SEC61G: variants seen among roughly 807,000 people sequenced by gnomAD.
The protein encoded by SEC61G is SEC61 translocon subunit gamma.
Under a neutral mutation model 7.5 loss-of-function variants are expected in SEC61G, and 4 were observed. The observed-to-expected ratio is 0.54, with a 90% CI of 0.26 to 1.22. SEC61G has a LOEUF of 1.22. SEC61G is among the 50% of genes most tolerant of loss of function. The probability of loss-of-function intolerance (pLI) is 0.12; values close to 1 mark genes in which losing one functional copy is unlikely to be tolerated. For synonymous variants in SEC61G, 24 were observed against 24.4 expected, an observed-to-expected ratio of 0.98 and a Z score of 0.05; for missense variants, 53 against 84.6, an observed-to-expected ratio of 0.63 and a Z score of 1.46.
chr7:54,755,932 T>C, intron 2 of SEC61G, 51 bp from the exon 3 acceptor site: 1 of 1,083,808 alleles, frequency 9.2e-7, no homozygotes, highest in East Asian at 2.5e-5. Context: ...TCACTGAAAG[T>C]ATGGGAAAAA....
chr7:54,752,512 G>T (rs1791435115), intron 3 of SEC61G, 92 bp from the exon 4 acceptor site: 2 of 703,218 alleles, frequency 2.8e-6, no homozygotes, highest in Non-Finnish European at 4.5e-6. Context: ...AACTTTAACG[G>T]CTCAAGACCA....
In SEC61G at chr7:54,757,482, G is replaced by C. The variant is rs1449784720; in HGVS notation, c.94+13C>G. ...CAAAGATTTAATTTTTTCTCTCATA[G>C]TCAAGCAATTACCTTTTCTATCAGG... On this transcript the variant is annotated intron_variant, in intron 2 of 3. Transcript: ENST00000352861. 6.2e-7 allele frequency: 1 copy of C among 1,604,944 alleles called. No individual in the cohort carries two copies. The highest frequency in any genetic ancestry group is 1.7e-4 in the Middle Eastern group (1 of 6,026).
intron 3 of SEC61G, among the ~76,000 whole-genome samples, chr7:54,753,943 C>T (rs1791459874): frequency 6.6e-6 from 1 of 152,170 alleles, no homozygotes. Context: ...AGACAAGAAC[C>T]TGAAGTTGTT....
Position 54,752,317 on chromosome 7 carries a change from A to C in SEC61G, c.*94T>G. ...CTTGAAAGGAAAAAAAAAAACCCAC[A>C]AAACATACAGGCAAATTTGTATTCT... On this transcript the variant is annotated 3_prime_UTR_variant, in exon 4 of 4. Coordinates refer to ENST00000352861, the MANE Select transcript of SEC61G (RefSeq NM_014302.4). 1.2e-6 allele frequency: 1 copy of C among 832,860 alleles called. No individual in the cohort carries two copies. 51.6% of individuals were successfully genotyped at this position (832,860 alleles called of 1,614,324 possible).
At chr7:54,753,537 T>C (rs575917169) in intron 3 of SEC61G, among the ~76,000 whole-genome samples, 1 of 152,260 alleles carries the variant, frequency 6.6e-6, no homozygotes, top group Admixed American at 6.5e-5. Flanking sequence ...CATCTCAAAA[T>C]GATTTAAACA....
intron 3 of SEC61G, among the ~76,000 whole-genome samples, chr7:54,754,020 A>T (rs1034624010): frequency 1.3e-5 from 2 of 152,202 alleles, no homozygotes; most frequent in Non-Finnish European, 2.9e-5. Context: ...ACCAGACTCT[A>T]TAGGAGAGAC....
Position 54,759,208 on chromosome 7 carries a change from T to G in SEC61G, c.-57A>C. On this transcript the variant is annotated 5_prime_UTR_variant, in exon 1 of 4. Coordinates refer to ENST00000352861, the MANE Select transcript of SEC61G (RefSeq NM_014302.4). ...AGGGACACGTAGCACTGGAGCTTGC[T>G]GATGGAGGCCCACCGGAACCGGAAT... 1 of 519,076 alleles carries G rather than the reference T, an allele frequency of 1.9e-6. No individual in the cohort carries two copies. The highest frequency in any genetic ancestry group is 1.4e-5 in the South Asian group (1 of 71,590). 32.2% of individuals were successfully genotyped at this position (519,076 alleles called of 1,614,324 possible).
At chr7:54,758,494 T>A (rs73122025) in intron 1 of SEC61G, among the ~76,000 whole-genome samples, 8,330 of 150,716 alleles carry the variant, frequency 0.055, 315 homozygotes, top group Non-Finnish European at 0.071. Flanking sequence ...CGAAATGAAA[T>A]AATGTCAATG....
intron 2 of SEC61G, among the ~76,000 whole-genome samples, chr7:54,756,981 CTATATACTATAT>C (rs1288138475): frequency 1.4e-5 from 2 of 144,934 alleles, no homozygotes; most frequent in African/African-American, 5.0e-5. Flanking sequence ...ATACTATATA[CTATATACTATAT>C]TATATACTAT....
chr7:54,753,983 C>A (rs1332810188), intron 3 of SEC61G, among the ~76,000 whole-genome samples: 1 of 152,166 alleles, frequency 6.6e-6, no homozygotes, highest in African/African-American at 2.4e-5. Context: ...TTATTCAGTG[C>A]TTTTAACGGA....
intron 1 of SEC61G, among the ~76,000 whole-genome samples, chr7:54,758,467 G>C (rs1409169480): frequency 6.6e-6 from 1 of 152,164 alleles, no homozygotes; most frequent in East Asian, 1.9e-4. Flanking sequence ...GCCTTCCTTA[G>C]TGTAGGGTGT....
chr7:54,753,007 AGGCCAG>A (rs1325962195), intron 3 of SEC61G, among the ~76,000 whole-genome samples: 1 of 152,226 alleles, frequency 6.6e-6, no homozygotes. Flanking sequence ...TATATAAAAT[AGGCCAG>A]GCATGGTGGC....
At chr7:54,756,183 CA>C (rs1381933944) in intron 2 of SEC61G, among the ~76,000 whole-genome samples, 7 of 151,562 alleles carry the variant, frequency 4.6e-5, no homozygotes, top group Non-Finnish European at 1.5e-5. Context: ...ATACCAAAAA[CA>C]AAAAAAGGTC....
chr7:54,757,688 A>G, intron 1 of SEC61G, 94 bp from the exon 2 acceptor site: 1 of 932,110 alleles, frequency 1.1e-6, no homozygotes, highest in Non-Finnish European at 1.7e-6. Flanking sequence ...CCAGCCACTG[A>G]ATTCACGTCT....
At chr7:54,756,341 G>A (rs922918225) in intron 2 of SEC61G, among the ~76,000 whole-genome samples, 3 of 152,152 alleles carry the variant, frequency 2.0e-5, no homozygotes, top group African/African-American at 7.2e-5. Flanking sequence ...CTATTATGAT[G>A]AAGCCAAAAA....
At chr7:54,756,118 T>G (rs1376858926) in intron 2 of SEC61G, among the ~76,000 whole-genome samples, 3 of 152,216 alleles carry the variant, frequency 2.0e-5, no homozygotes, top group Admixed American at 2.0e-4. Context: ...TCTGTCCTAG[T>G]GAGTTCATCA....
In SEC61G at chr7:54,752,427, A is replaced by T. The variant is rs750359015; in HGVS notation, c.198-7T>A. 1 of 1,496,404 alleles carries T rather than the reference A, an allele frequency of 6.7e-7. No individual in the cohort carries two copies. The highest frequency in any genetic ancestry group is 1.4e-5 in the African/African-American group (1 of 71,198). The allele number at this position is 1,496,404 out of a possible 1,614,324, so 92.7% of individuals were successfully genotyped here. A position where few individuals can be genotyped will look rare whatever the true frequency, so the allele number is the denominator to read the frequency against. The stretch of plus-strand genomic sequence containing the variant: ...AAAATGTATTCAGCCACCACTGTAA[A>T]AGAAAGAAAAATTATTACTTCTGAG... On this transcript the variant is annotated splice_region_variant and splice_polypyrimidine_tract_variant and intron_variant, in intron 3 of 3. Transcript: ENST00000352861.
At chr7:54,753,915 C>A (rs916240493) in intron 3 of SEC61G, among the ~76,000 whole-genome samples, 1 of 139,618 alleles carries the variant, frequency 7.2e-6, no homozygotes, top group African/African-American at 2.7e-5. Flanking sequence ...ATTATTATTG[C>A]CACCATCACC....
At chr7:54,753,392 A>G (rs1417491635) in intron 3 of SEC61G, among the ~76,000 whole-genome samples, 1 of 152,206 alleles carries the variant, frequency 6.6e-6, no homozygotes, top group Non-Finnish European at 1.5e-5. Flanking sequence ...GCTATAACTA[A>G]AAGGCCAGCA....
Sources: gnomAD v4.1 joint callset for allele counts (sites outside exome capture counted in the v4.1 genomes callset) on GRCh38, gnomAD v4.1.1 for gene constraint, MANE v1.5 for transcripts, NCBI Gene and HGNC (gene_info 2026-07-23, HGNC 2026-07-21) for gene names.